Variants in TANC1 observed in about 807,000 individuals in gnomAD.
The protein encoded by TANC1 is tetratricopeptide repeat, ankyrin repeat and coiled-coil containing 1, also known as protein TANC1.
TANC1 carries 77 observed loss-of-function variants against 149.7 expected under a neutral mutation model. The ratio of observed to expected loss-of-function variants is 0.51; its 90% confidence interval spans 0.43 to 0.62. The LOEUF (loss-of-function observed/expected upper bound fraction) is 0.62. TANC1 is among the 20% of genes least tolerant of loss of function. TANC1 has a pLI of 0.00. For missense variants in TANC1, 1,985 were observed against 2,321.8 expected (o/e 0.85, Z 2.98); for synonymous variants, 854 against 925.0 (o/e 0.92, Z 1.39).
intron 18 of TANC1, 136 bp downstream of exon 18, chr2:159,196,929 T>C: frequency 1.3e-6 from 1 of 747,186 alleles, no homozygotes; most frequent in Non-Finnish European, 2.1e-6. Flanking sequence ...TAGAAGGTCT[T>C]CTATGGGCAC....
chr2:158,988,672 G>A (rs145347353), intron 1 of TANC1, among the ~76,000 whole-genome samples: 2,357 of 152,262 alleles, frequency 0.015, 32 homozygotes, highest in Middle Eastern at 0.027. Flanking sequence ...CACTTAACAG[G>A]AGCCAATTGA....
rs569531267 is a variant in TANC1, at chr2:159,186,890, G to A, written c.2620-12G>A. 6.2e-6 allele frequency: 10 copies of A among 1,614,148 alleles called. No homozygotes were observed. The highest frequency in any genetic ancestry group is 2.2e-5 in the South Asian group (2 of 91,060). On this transcript the variant is annotated splice_polypyrimidine_tract_variant and intron_variant, in intron 15 of 26. Transcript: ENST00000263635. ...TCTGATTGTTTCCAAGATCTGTCTCGATTGTTTCCAGGGCCTCAGTAAGAA... is the reference window on the plus strand; with the variant it reads ...TCTGATTGTTTCCAAGATCTGTCTCAATTGTTTCCAGGGCCTCAGTAAGAA...
At chr2:159,023,135 A>T (rs891473143) in intron 2 of TANC1, among the ~76,000 whole-genome samples, 2 of 152,122 alleles carry the variant, frequency 1.3e-5, no homozygotes, top group African/African-American at 4.8e-5. Context: ...AAATATCAAC[A>T]CTTTGTCAGT....
chr2:159,170,929 C>A, intron 10 of TANC1, 124 bp downstream of exon 10: 1 of 1,083,644 alleles, frequency 9.2e-7, no homozygotes, highest in Non-Finnish European at 1.3e-6. Context: ...TCAGGTTTGC[C>A]ATCATGTGTG....
At chr2:159,017,329 C>G (rs1444172399) in intron 2 of TANC1, among the ~76,000 whole-genome samples, 2 of 152,192 alleles carry the variant, frequency 1.3e-5, no homozygotes, top group African/African-American at 2.4e-5. Context: ...TATATTCTCT[C>G]ACTTTGAATT....
chr2:159,166,992 C>A (rs1428714260), intron 8 of TANC1, among the ~76,000 whole-genome samples: 2 of 152,214 alleles, frequency 1.3e-5, no homozygotes, highest in Non-Finnish European at 2.9e-5. Flanking sequence ...GGAATCTTAA[C>A]ATCTCCTGTA....
At chr2:158,981,985 A>G (rs1031463902) in intron 1 of TANC1, among the ~76,000 whole-genome samples, 6 of 152,146 alleles carry the variant, frequency 3.9e-5, no homozygotes, top group Admixed American at 3.9e-4. Flanking sequence ...AGCAAATAAA[A>G]GTTCCTATCA....
chr2:158,974,060 G>C (rs1045880291), intron 1 of TANC1, among the ~76,000 whole-genome samples: 2 of 152,200 alleles, frequency 1.3e-5, no homozygotes, highest in African/African-American at 4.8e-5. Context: ...GTCTGTGGAT[G>C]AAACAGTTTG....
chr2:159,158,374 C>A (rs537601274), intron 7 of TANC1, among the ~76,000 whole-genome samples: 4 of 151,878 alleles, frequency 2.6e-5, no homozygotes, highest in South Asian at 2.1e-4. Flanking sequence ...CAAAAAAAAA[C>A]CATGTAGAGC....
intron 1 of TANC1, among the ~76,000 whole-genome samples, chr2:158,973,032 C>G (rs1311506367): frequency 1.3e-5 from 2 of 152,068 alleles, no homozygotes; most frequent in Admixed American, 6.6e-5. Flanking sequence ...CTTCTAGGGT[C>G]GGTGTTGTCT....
chr2:159,149,203 G>A lies in TANC1; in HGVS notation c.426G>A (p.Leu142=). 2 of 1,614,062 alleles carry A rather than the reference G, an allele frequency of 1.2e-6. No homozygotes were observed. Among genetic ancestry groups the A allele is most frequent in the Non-Finnish European group, 1.7e-6 (2 of 1,179,946 alleles). The change falls in exon 6 of 27, where the codon CTG becomes CTA. Residue 142 remains leucine (L), a synonymous_variant. Transcript: ENST00000263635. ...SPAAQELLTR[L]GFLLGEGIPS... Reference sequence around the variant, plus strand: ...CAGCTCAAGAACTGTTGACAAGGCTGGGATTTTTACTGGGAGAAGGGATCC... The same window carrying A: ...CAGCTCAAGAACTGTTGACAAGGCTAGGATTTTTACTGGGAGAAGGGATCC...
intron 2 of TANC1, among the ~76,000 whole-genome samples, chr2:159,052,832 C>T (rs1399131948): frequency 2.6e-5 from 4 of 152,218 alleles, no homozygotes; most frequent in African/African-American, 9.6e-5. Flanking sequence ...TTATGCCCAT[C>T]GCTGCTTTAA....
At position 159,232,474 on chromosome 2, in the gene TANC1, T is replaced by C. The variant is rs2060368085; in HGVS notation, c.*1462T>C. On this transcript the variant is annotated 3_prime_UTR_variant, in exon 27 of 27. Coordinates refer to ENST00000263635, the MANE Select transcript of TANC1 (RefSeq NM_033394.3). ...TCTGATGTCATTCTTCAACGTTTGT[T>C]CCTGTGTGTACAATTGTACTTTGTA... 6.5e-6 allele frequency: 1 copy of C among 152,674 alleles called. No individual in the cohort carries two copies. Among genetic ancestry groups the C allele is most frequent in the Non-Finnish European group, 1.5e-5 (1 of 68,022 alleles). 9.5% of individuals were successfully genotyped at this position (152,674 alleles called of 1,614,324 possible).
At chr2:158,980,462 A>G (rs999866510) in intron 1 of TANC1, among the ~76,000 whole-genome samples, 7 of 152,134 alleles carry the variant, frequency 4.6e-5, no homozygotes, top group African/African-American at 1.4e-4. Flanking sequence ...TTTTAATACA[A>G]TTAACAATAA....
At chr2:159,190,023 C>A (rs576655132) in intron 16 of TANC1, among the ~76,000 whole-genome samples, 1 of 152,308 alleles carries the variant, frequency 6.6e-6, no homozygotes, top group South Asian at 2.1e-4. Context: ...AACCTCTGCC[C>A]TGAGCACATG....
At chr2:159,072,691 C>T (rs912967069) in intron 3 of TANC1, among the ~76,000 whole-genome samples, 2 of 152,038 alleles carry the variant, frequency 1.3e-5, no homozygotes, top group African/African-American at 4.8e-5. Context: ...GGGTGCAGCA[C>T]ACCAACATGG....
chr2:158,991,542 A>G (rs1019249044), intron 1 of TANC1, among the ~76,000 whole-genome samples: 13 of 151,888 alleles, frequency 8.6e-5, no homozygotes, highest in African/African-American at 2.9e-4. Flanking sequence ...TCACGAGGTC[A>G]GGAGATTGAG....
In TANC1 at chr2:159,136,312, T is replaced by C. The variant is rs2050742202; in HGVS notation, c.364+14T>C. The stretch of plus-strand genomic sequence containing the variant: ...CTGATGAGCATGGTAAGAATTTCAG[T>C]GATTTCCTTCCCCCTCTACCAAAGA... On this transcript the variant is annotated intron_variant, in intron 5 of 26. Transcript: ENST00000263635. The C allele has an allele frequency of 6.9e-7, 1 of 1,439,318 alleles. No individual in the cohort carries two copies. Among genetic ancestry groups the C allele is most frequent in the Admixed American group, 1.7e-5 (1 of 59,746 alleles). 89.2% of individuals were successfully genotyped at this position (1,439,318 alleles called of 1,614,324 possible). A position where few individuals can be genotyped will look rare whatever the true frequency, so the allele number is the denominator to read the frequency against.
At chr2:159,034,331 CCT>C (rs2040013286) in intron 2 of TANC1, among the ~76,000 whole-genome samples, 1 of 152,204 alleles carries the variant, frequency 6.6e-6, no homozygotes, top group Non-Finnish European at 1.5e-5. Flanking sequence ...CCCTCTCTCC[CCT>C]GTTTTTGAGG....
Sources: allele counts gnomAD v4.1 joint callset (sites outside exome capture counted in the v4.1 genomes callset), GRCh38; gene constraint gnomAD v4.1.1; transcripts MANE v1.5; gene names NCBI Gene and HGNC (gene_info 2026-07-23, HGNC 2026-07-21).